Variants in CFAP47 observed in about 807,000 individuals in gnomAD.
CFAP47 encodes the protein cilia and flagella associated protein 47.
CFAP47 carries 29 observed loss-of-function variants against 148.1 expected under a neutral mutation model. That is an observed-to-expected ratio of 0.20 (90% CI 0.15 to 0.27). The LOEUF (loss-of-function observed/expected upper bound fraction) is 0.27, where lower values mean the gene tolerates loss of function less well. Among genes scored for constraint, CFAP47 ranks in the 10% least tolerant of loss-of-function variants. The pLI is 1.00. For synonymous variants in CFAP47, 664 were observed against 577.3 expected (o/e 1.15, Z -2.15); for missense variants, 1,872 against 1,697.5 (o/e 1.10, Z -1.81).
At chrX:35,970,707 G>A in intron 10 of CFAP47, 61 bp from the exon 11 acceptor site, 1 of 961,779 alleles carries the variant, frequency 1.0e-6, no homozygotes, top group South Asian at 2.6e-5. Context: ...GAGGCTGTCA[G>A]TAAATACTGA....
intron 22 of CFAP47, among the ~76,000 whole-genome samples, chrX:36,016,792 C>T (rs1273625659): frequency 1.0e-5 from 1 of 95,614 alleles, no homozygotes; most frequent in African/African-American, 3.8e-5. Flanking sequence ...GAACAGTATA[C>T]AAGGGTTCCT....
At chrX:36,275,041 A>C (rs1940999485) in intron 49 of CFAP47, among the ~76,000 whole-genome samples, 1 of 111,342 alleles carries the variant, frequency 9.0e-6, no homozygotes, top group Non-Finnish European at 1.9e-5. Context: ...CTTTTTAATC[A>C]TAAAAGGGTG....
At chrX:36,192,090 G>C (rs12014468) in intron 42 of CFAP47, among the ~76,000 whole-genome samples, 30,556 of 110,607 alleles carry the variant, frequency 0.28, 5,026 homozygotes, top group African/African-American at 0.62. Flanking sequence ...ACACTGTTAC[G>C]AAGCAAAGAC....
At chrX:36,104,450 TG>T (rs754422518) in intron 32 of CFAP47, 48 bp from the exon 33 acceptor site, 3 of 454,477 alleles carry the variant, frequency 6.6e-6, no homozygotes, top group Non-Finnish European at 1.1e-5. Flanking sequence ...AATATTAATT[TG>T]CTATTTTTCC....
At chrX:36,275,413 G>C (rs1281086827) in intron 49 of CFAP47, among the ~76,000 whole-genome samples, 1 of 87,821 alleles carries the variant, frequency 1.1e-5, no homozygotes, top group East Asian at 3.2e-4. Context: ...AAGTGAGATC[G>C]TCGTGTGTGT....
intron 1 of CFAP47, among the ~76,000 whole-genome samples, chrX:35,924,071 G>A (rs755069490): frequency 1.2e-5 from 1 of 83,726 alleles, no homozygotes; most frequent in Non-Finnish European, 2.3e-5. Flanking sequence ...GCACATATAT[G>A]TATATATGTA....
At chrX:36,175,246 A>C (rs991609338) in intron 39 of CFAP47, among the ~76,000 whole-genome samples, 2 of 111,475 alleles carry the variant, frequency 1.8e-5, no homozygotes, top group Non-Finnish European at 3.8e-5. Flanking sequence ...TTTGGTTTGA[A>C]TGTCCTCCCA....
intron 63 of CFAP47, among the ~76,000 whole-genome samples, chrX:36,381,082 A>G (rs192149329): frequency 1.0e-3 from 117 of 111,940 alleles, no homozygotes; most frequent in African/African-American, 3.5e-3. Flanking sequence ...AGAAATCATG[A>G]TTTTCTTAAT....
chrX:36,298,879 CTTATA>C (rs1206490035), intron 51 of CFAP47, 93 bp from the exon 52 acceptor site: 3 of 498,414 alleles, frequency 6.0e-6, no homozygotes, highest in African/African-American at 4.8e-5. Flanking sequence ...AACAAATGGC[CTTATA>C]TTATGTAATA....
At chrX:36,359,806 G>A (rs1209241943) in intron 60 of CFAP47, among the ~76,000 whole-genome samples, 10 of 111,082 alleles carry the variant, frequency 9.0e-5, no homozygotes, top group Admixed American at 8.7e-4. Context: ...GCTGGAGTGT[G>A]ATGGCACAAT....
intron 36 of CFAP47, among the ~76,000 whole-genome samples, chrX:36,147,981 A>G (rs1183039665): frequency 1.8e-5 from 2 of 111,853 alleles, no homozygotes; most frequent in African/African-American, 6.5e-5. Flanking sequence ...TAAATAAAAA[A>G]AAATATTCAT....
intron 51 of CFAP47, among the ~76,000 whole-genome samples, chrX:36,295,840 A>C (rs987298064): frequency 8.9e-6 from 1 of 112,171 alleles, no homozygotes; most frequent in South Asian, 3.7e-4. Context: ...GTAATTTAGA[A>C]ATCATTTTTG....
intron 62 of CFAP47, among the ~76,000 whole-genome samples, chrX:36,371,769 T>TAC (rs1156242309): frequency 3.7e-5 from 2 of 54,489 alleles, no homozygotes; most frequent in East Asian, 1.3e-3. Context: ...TGTGTGTATA[T>TAC]ACACACATGT....
intron 50 of CFAP47, among the ~76,000 whole-genome samples, chrX:36,282,381 A>G (rs782057401): frequency 2.7e-5 from 3 of 111,215 alleles, no homozygotes; most frequent in African/African-American, 6.5e-5. Context: ...TTGAAGGAAA[A>G]TCAAAATATT....
rs1290921608 is a variant in CFAP47 at position 36,233,776 on chromosome X, C to T, written c.7015-2158C>T. Among the ~76,000 whole-genome samples the T allele has an allele frequency of 2.8e-4, 31 of 110,312 alleles. No individual in the cohort carries two copies. In the East Asian group the frequency reaches 4.6e-3, roughly 16 times the overall value. On this transcript the variant is annotated intron_variant, in intron 46 of 63. Transcript: ENST00000378653. ...ACCGGTTGTTCCTTTCCATGTTTAG[C>T]GCTTCCTTCAGGAGCTCTTTTAGGG...
intron 42 of CFAP47, among the ~76,000 whole-genome samples, chrX:36,196,707 G>A (rs190881587): frequency 2.4e-3 from 262 of 111,378 alleles, no homozygotes; most frequent in Non-Finnish European, 4.2e-3. Context: ...AATATCTTCT[G>A]TAAAAGTTTC....
In CFAP47 at chrX:35,982,986, T is replaced by C. The variant is rs149867459; in HGVS notation, c.2714-6333T>C. Among the ~76,000 whole-genome samples, 653 of 112,163 alleles carry C rather than the reference T, an allele frequency of 5.8e-3. 7 individuals carry two copies. Among genetic ancestry groups the C allele is most frequent in the African/African-American group, 0.02 (625 of 30,939 alleles). ...TGAATTTTAAAATAGTATTCTAATT[T>C]TGTGAAGAATGTCAGTGGTAGTGTG... On this transcript the variant is annotated intron_variant, in intron 15 of 63. Transcript: ENST00000378653.
At chrX:36,231,021 A>C (rs140246299) in intron 46 of CFAP47, among the ~76,000 whole-genome samples, 1 of 103,286 alleles carries the variant, frequency 9.7e-6, no homozygotes, top group African/African-American at 3.8e-5. Flanking sequence ...TAGCCTTGTA[A>C]TATAGTTTGA....
chrX:35,982,762 C>A (rs1409312065), intron 15 of CFAP47, among the ~76,000 whole-genome samples: 2 of 110,848 alleles, frequency 1.8e-5, no homozygotes, highest in Non-Finnish European at 3.8e-5. Flanking sequence ...AAGATCAGAT[C>A]ATTGTAGATG....
Sources: allele counts gnomAD v4.1 joint callset (sites outside exome capture counted in the v4.1 genomes callset), GRCh38; gene constraint gnomAD v4.1.1; transcripts MANE v1.5; gene names NCBI Gene and HGNC (gene_info 2026-07-23, HGNC 2026-07-21).